The following CORO1C variants were observed in gnomAD, a reference collection of about 807,000 sequenced individuals.
CORO1C encodes coronin 1C.
A neutral mutation model predicts 51.2 loss-of-function variants in CORO1C; 14 were observed. The observed-to-expected ratio is 0.27, with a 90% CI of 0.18 to 0.43. The LOEUF is 0.43. Ranked by LOEUF, CORO1C falls within the 20% of genes least tolerant of loss-of-function variation. CORO1C has a pLI of 1.00. For synonymous variants in CORO1C, 181 were observed against 210.5 expected (o/e 0.86, Z 1.21); for missense variants, 417 against 607.8 (o/e 0.69, Z 3.30).
chr12:108,712,913 T>TAAAAAAA (rs142742201), intron 1 of CORO1C, among the ~76,000 whole-genome samples: 1 of 128,078 alleles, frequency 7.8e-6, no homozygotes, highest in African/African-American at 2.9e-5. Flanking sequence ...CATGTCTCTT[T>TAAAAAAA]AAAAAAAAAA....
intron 1 of CORO1C, among the ~76,000 whole-genome samples, chr12:108,721,306 T>C (rs904002404): frequency 6.6e-6 from 1 of 152,200 alleles, no homozygotes; most frequent in African/African-American, 2.4e-5. Context: ...CTTACACTAC[T>C]CTTCCCTAAT....
At chr12:108,717,674 G>T (rs2035372135) in intron 1 of CORO1C, among the ~76,000 whole-genome samples, 3 of 152,162 alleles carry the variant, frequency 2.0e-5, no homozygotes. Flanking sequence ...ATGGTTGGGG[G>T]TGCCTTCCCA....
At chr12:108,661,326 GAA>G (rs2033251270) in intron 4 of CORO1C, among the ~76,000 whole-genome samples, 1 of 152,160 alleles carries the variant, frequency 6.6e-6, no homozygotes, top group Non-Finnish European at 1.5e-5. Flanking sequence ...GGATTAGTAT[GAA>G]GTCATTAAAA....
intron 3 of CORO1C, among the ~76,000 whole-genome samples, chr12:108,663,409 C>T (rs1378476942): frequency 6.6e-6 from 1 of 152,182 alleles, no homozygotes; most frequent in East Asian, 1.9e-4. Context: ...TTTGTAATAG[C>T]CCAAAGGTGG....
intron 4 of CORO1C, among the ~76,000 whole-genome samples, chr12:108,659,673 C>T (rs1344531309): frequency 1.3e-5 from 2 of 152,130 alleles, no homozygotes; most frequent in Non-Finnish European, 2.9e-5. Context: ...GTTTAGGGCA[C>T]TCAACAAAAA....
chr12:108,714,539 G>A (rs988529206), intron 1 of CORO1C, among the ~76,000 whole-genome samples: 4 of 151,994 alleles, frequency 2.6e-5, no homozygotes, highest in Non-Finnish European at 4.4e-5. Context: ...AGCACTTTGG[G>A]AGGCTGAGCT....
chr12:108,684,960 A>G (rs1450609825), intron 2 of CORO1C, among the ~76,000 whole-genome samples: 4 of 152,166 alleles, frequency 2.6e-5, no homozygotes, highest in South Asian at 2.1e-4. Flanking sequence ...GGCTCTGCCC[A>G]GGAAACCACA....
intron 3 of CORO1C, among the ~76,000 whole-genome samples, chr12:108,672,893 G>A (rs143950407): frequency 5.9e-5 from 9 of 152,226 alleles, no homozygotes; most frequent in South Asian, 2.1e-4. Context: ...GAACTTCATC[G>A]ATAAACGCTG....
chr12:108,698,334 AATCACTTC>A (rs983738642), intron 2 of CORO1C, among the ~76,000 whole-genome samples: 19 of 152,380 alleles, frequency 1.2e-4, no homozygotes, highest in African/African-American at 3.8e-4. Context: ...CTGCACTGGA[AATCACTTC>A]ATAGCTGAGA....
intron 1 of CORO1C, among the ~76,000 whole-genome samples, chr12:108,712,761 A>C (rs9783411): frequency 0.66 from 100,542 of 151,236 alleles, 35,378 homozygotes; most frequent in East Asian, 0.99. Flanking sequence ...GTGGGAAGAT[A>C]GCTTAAGGCC....
At chr12:108,726,374 G>T (rs1384405726) in intron 1 of CORO1C, among the ~76,000 whole-genome samples, 1 of 150,940 alleles carries the variant, frequency 6.6e-6, no homozygotes, top group African/African-American at 2.4e-5. Context: ...AGCTGAGATC[G>T]TGCCACTGCA....
At chr12:108,684,874 A>T (rs1565919829) in intron 2 of CORO1C, among the ~76,000 whole-genome samples, 2 of 151,614 alleles carry the variant, frequency 1.3e-5, no homozygotes, top group African/African-American at 2.4e-5. Context: ...TTGCATTAAA[A>T]TTTTTTTTTA....
intron 4 of CORO1C, among the ~76,000 whole-genome samples, chr12:108,660,458 A>C (rs2033211962): frequency 1.3e-5 from 2 of 150,994 alleles, no homozygotes; most frequent in South Asian, 4.1e-4. Context: ...TCTCAAAAAA[A>C]AAAAAAAAAA....
At chr12:108,719,303 G>T (rs2035418150) in intron 1 of CORO1C, among the ~76,000 whole-genome samples, 1 of 152,036 alleles carries the variant, frequency 6.6e-6, no homozygotes, top group African/African-American at 2.4e-5. Flanking sequence ...ATGGTTTATG[G>T]TACCCTCAAA....
intron 1 of CORO1C, among the ~76,000 whole-genome samples, chr12:108,712,671 G>A (rs1348293735): frequency 6.6e-6 from 1 of 150,778 alleles, no homozygotes; most frequent in Non-Finnish European, 1.5e-5. Context: ...AGCAAATATA[G>A]GAGGTACTCT....
chr12:108,718,300 G>T (rs1041940426), intron 1 of CORO1C, among the ~76,000 whole-genome samples: 1 of 151,744 alleles, frequency 6.6e-6, no homozygotes, highest in African/African-American at 2.4e-5. Context: ...CCTGGGAGGC[G>T]GAGCTTGCAG....
chr12:108,721,316 T>A (rs904152371), intron 1 of CORO1C, among the ~76,000 whole-genome samples: 3 of 152,198 alleles, frequency 2.0e-5, no homozygotes, highest in African/African-American at 7.2e-5. Flanking sequence ...TCTTCCCTAA[T>A]TACACCAGTT....
chr12:108,664,033 A>C (rs4964731), intron 3 of CORO1C, among the ~76,000 whole-genome samples: 83,491 of 152,050 alleles, frequency 0.55, 23,844 homozygotes, highest in East Asian at 0.99. Flanking sequence ...AACAACCTCT[A>C]AGAAAAGGGC....
intron 1 of CORO1C, among the ~76,000 whole-genome samples, chr12:108,716,746 A>G (rs1360478234): frequency 6.6e-6 from 1 of 152,200 alleles, no homozygotes; most frequent in Non-Finnish European, 1.5e-5. Flanking sequence ...TCACTGGGAT[A>G]CAGTCCACAT....
Sources: allele counts gnomAD v4.1 joint callset (sites outside exome capture counted in the v4.1 genomes callset), GRCh38; gene constraint gnomAD v4.1.1; transcripts MANE v1.5; gene names NCBI Gene and HGNC (gene_info 2026-07-23, HGNC 2026-07-21).